Variants in FGF14 observed in about 807,000 individuals in gnomAD.
FGF14 encodes the protein fibroblast growth factor homologous factor 4.
Under a neutral mutation model 25.5 loss-of-function variants are expected in FGF14, and 5 were observed. The ratio of observed to expected loss-of-function variants is 0.20; its 90% CI spans 0.10 to 0.41. The LOEUF (loss-of-function observed/expected upper bound fraction) is 0.41, where lower values mean the gene tolerates loss of function less well. Among genes scored for constraint, FGF14 ranks in the 10% least tolerant of loss-of-function variants. The probability of loss-of-function intolerance (pLI) is 1.00; values close to 1 mark genes in which losing one functional copy is unlikely to be tolerated. For missense variants in FGF14, 222 were observed against 320.1 expected, an observed-to-expected ratio of 0.69 and a Z score of 2.34; for synonymous variants, 138 against 118.3, an observed-to-expected ratio of 1.17 and a Z score of -1.08.
chr13:102,350,809 C>T (rs868251260), intron 1 of FGF14, among the ~76,000 whole-genome samples: 4 of 152,192 alleles, frequency 2.6e-5, no homozygotes, highest in Admixed American at 6.5e-5. Context: ...TAAGATGCAG[C>T]CATATTCATA....
At chr13:102,161,585 AG>A (rs1566763994) in intron 1 of FGF14, among the ~76,000 whole-genome samples, 1 of 2,414 alleles carries the variant, frequency 4.1e-4, no homozygotes, top group Non-Finnish European at 6.1e-4. Context: ...AAGAAGAAGA[AG>A]AAGAAGAAGA....
chr13:102,281,490 C>T (rs1217632574), intron 1 of FGF14, among the ~76,000 whole-genome samples: 1 of 152,140 alleles, frequency 6.6e-6, no homozygotes, highest in African/African-American at 2.4e-5. Context: ...GCCCCTACCG[C>T]TGTCAGTGCT....
At chr13:102,071,688 A>G (rs1233347957) in intron 1 of FGF14, among the ~76,000 whole-genome samples, 1 of 152,186 alleles carries the variant, frequency 6.6e-6, no homozygotes, top group Non-Finnish European at 1.5e-5. Flanking sequence ...GATGGTAGAC[A>G]ACTAGATACA....
In FGF14 at chr13:101,736,453, T is replaced by C. The variant is rs1396939776; in HGVS notation, c.409-9643A>G. On this transcript the variant is annotated intron_variant, in intron 3 of 4. Transcript: ENST00000376143. ...CAGAATGTTTTTTATATTTGTTGAA[T>C]ATAACAATAAAATCTCTGGGCTTTT... is the stretch of plus-strand genomic sequence containing the variant. Among the ~76,000 whole-genome samples, 5 of 152,210 alleles carry C rather than the reference T, an allele frequency of 3.3e-5. No individual in the cohort carries two copies. The South Asian group carries it at 1.0e-3, about 31-fold the overall frequency.
At chr13:101,735,115 T>C (rs898403020) in intron 3 of FGF14, among the ~76,000 whole-genome samples, 2 of 152,090 alleles carry the variant, frequency 1.3e-5, no homozygotes, top group Non-Finnish European at 2.9e-5. Context: ...CAGAGCCAGG[T>C]TGATTCAATC....
intron 3 of FGF14, among the ~76,000 whole-genome samples, chr13:101,772,247 C>T (rs1382532088): frequency 6.6e-6 from 1 of 151,962 alleles, no homozygotes; most frequent in African/African-American, 2.4e-5. Context: ...CTGAAAAGTG[C>T]CAGAATTTTC....
intron 3 of FGF14, among the ~76,000 whole-genome samples, chr13:101,830,981 T>A (rs1257616246): frequency 6.6e-6 from 1 of 152,246 alleles, no homozygotes; most frequent in East Asian, 1.9e-4. Flanking sequence ...TAAGTAATCT[T>A]GTGATTATAT....
chr13:101,855,181 A>T (rs2044061113), intron 3 of FGF14, among the ~76,000 whole-genome samples: 1 of 152,006 alleles, frequency 6.6e-6, no homozygotes, highest in Admixed American at 6.6e-5. Context: ...ACGTGACATT[A>T]ATGATAATAA....
chr13:102,198,049 C>T (rs2049442895), intron 1 of FGF14, among the ~76,000 whole-genome samples: 2 of 152,208 alleles, frequency 1.3e-5, no homozygotes, highest in Admixed American at 1.3e-4. Context: ...ACTCTTTCCT[C>T]CTCTCCCAGC....
chr13:102,116,340 A>C (rs941248559), intron 1 of FGF14, among the ~76,000 whole-genome samples: 3 of 152,108 alleles, frequency 2.0e-5, no homozygotes, highest in Non-Finnish European at 4.4e-5. Flanking sequence ...TATGATCAGT[A>C]ATTTTACTCC....
At chr13:102,132,896 G>C (rs1459171862) in intron 1 of FGF14, among the ~76,000 whole-genome samples, 1 of 152,168 alleles carries the variant, frequency 6.6e-6, no homozygotes, top group African/African-American at 2.4e-5. Context: ...CAATGAAACA[G>C]TGAGCGGAGT....
At chr13:101,831,994 A>T (rs1282453300) in intron 3 of FGF14, among the ~76,000 whole-genome samples, 1 of 152,094 alleles carries the variant, frequency 6.6e-6, no homozygotes, top group Non-Finnish European at 1.5e-5. Context: ...ACCAGTAAAG[A>T]TTACGTTATT....
chr13:101,717,560 C>T lies in FGF14; in HGVS notation c.*5271G>A, dbSNP rs2034772043. On this transcript the variant is annotated 3_prime_UTR_variant, in exon 5 of 5. Coordinates refer to ENST00000376143, the MANE Select transcript of FGF14 (RefSeq NM_004115.4). ...GGAATTCATTACATTATCTAGCCAT[C>T]GTAATACAAATGACCTTTGGATTTC... 1 of 152,080 alleles carries T rather than the reference C, an allele frequency of 6.6e-6. No individual in the cohort carries two copies. The highest frequency in any genetic ancestry group is 1.9e-4 in the East Asian group (1 of 5,180). The allele number at this position is 152,080 out of a possible 1,614,324, so 9.4% of individuals were successfully genotyped here.
intron 1 of FGF14, among the ~76,000 whole-genome samples, chr13:102,022,571 G>A (rs950186417): frequency 1.3e-5 from 2 of 151,978 alleles, no homozygotes; most frequent in Admixed American, 6.6e-5. Flanking sequence ...ATTAATGGGA[G>A]GGATGCCAGA....
At chr13:102,349,942 A>G (rs368286889) in intron 1 of FGF14, among the ~76,000 whole-genome samples, 54 of 152,364 alleles carry the variant, frequency 3.5e-4, no homozygotes, top group African/African-American at 1.2e-3. Flanking sequence ...GGGGAAAATT[A>G]TAATTACACA....
chr13:102,240,265 A>G (rs893017253), intron 1 of FGF14, among the ~76,000 whole-genome samples: 8 of 152,148 alleles, frequency 5.3e-5, no homozygotes, highest in Non-Finnish European at 1.0e-4. Flanking sequence ...TCTTAATTCA[A>G]AACAGAATAT....
chr13:101,949,592 G>C (rs1170878400), intron 1 of FGF14, among the ~76,000 whole-genome samples: 2 of 152,130 alleles, frequency 1.3e-5, no homozygotes, highest in African/African-American at 4.8e-5. Flanking sequence ...ATGCCCTTTA[G>C]TTACTGTACT....
rs1027581651 is a variant in FGF14, at chr13:101,713,257, C to T, written c.*9574G>A. 4 of 152,188 alleles carry T rather than the reference C, an allele frequency of 2.6e-5. No homozygotes were observed. The East Asian group carries it at 7.7e-4, about 29-fold the overall frequency. 9.4% of individuals were successfully genotyped at this position (152,188 alleles called of 1,614,324 possible). A position where few individuals can be genotyped will look rare whatever the true frequency, so the allele number is the denominator to read the frequency against. ...CATGATATCTGTGATGACCACAACT[C>T]CTTTTTCCTGATCACTTTAATCACC... On this transcript the variant is annotated 3_prime_UTR_variant, in exon 5 of 5. Transcript: ENST00000376143.
chr13:102,161,150 G>A (rs1566762866), intron 1 of FGF14, among the ~76,000 whole-genome samples: 1 of 152,182 alleles, frequency 6.6e-6, no homozygotes, highest in Non-Finnish European at 1.5e-5. Context: ...GATCATTAAT[G>A]TGAAAATATC....
Sources: allele counts gnomAD v4.1 joint callset (sites outside exome capture counted in the v4.1 genomes callset), GRCh38; gene constraint gnomAD v4.1.1; transcripts MANE v1.5; gene names NCBI Gene and HGNC (gene_info 2026-07-23, HGNC 2026-07-21).